The following AKAP19 variants were observed in gnomAD, a reference collection of about 807,000 sequenced individuals.
AKAP19 encodes small A-kinase anchoring protein.
the AKAP19 span, among the ~76,000 whole-genome samples, chr2:190,000,401 A>G: frequency 3.9e-5 from 6 of 152,352 alleles, no homozygotes; most frequent in African/African-American, 9.6e-5. Context: ...TCAAACCACA[A>G]GTAACCTGAC....
chr2:189,984,965 C>T, the AKAP19 span, among the ~76,000 whole-genome samples: 1 of 152,006 alleles, frequency 6.6e-6, no homozygotes, highest in Non-Finnish European at 1.5e-5. Context: ...GGAGTGCAGA[C>T]ACACCTATGC....
chr2:190,060,129 A>C, the AKAP19 span: 1 of 1,612,872 alleles, frequency 6.2e-7, no homozygotes, highest in Non-Finnish European at 8.5e-7. Flanking sequence ...TAAAGCTTTT[A>C]TTTCAATGCC....
chr2:189,992,748 G>T, the AKAP19 span, among the ~76,000 whole-genome samples: 1 of 152,082 alleles, frequency 6.6e-6, no homozygotes, highest in Middle Eastern at 3.4e-3. Flanking sequence ...CCTTGGTCAG[G>T]TATATTCCTA....
chr2:190,031,252 TA>T, the AKAP19 span, among the ~76,000 whole-genome samples: 1 of 152,062 alleles, frequency 6.6e-6, no homozygotes, highest in Non-Finnish European at 1.5e-5. Context: ...GGATGTGGAG[TA>T]GGGAAGGGCA....
the AKAP19 span, among the ~76,000 whole-genome samples, chr2:190,023,480 C>CA: frequency 1.3e-5 from 2 of 151,892 alleles, no homozygotes; most frequent in Non-Finnish European, 2.9e-5. Flanking sequence ...GAAGCTTTGA[C>CA]AAATTTTATG....
chr2:190,072,476 A>C, the AKAP19 span, among the ~76,000 whole-genome samples: 1 of 152,352 alleles, frequency 6.6e-6, no homozygotes, highest in East Asian at 1.9e-4. Flanking sequence ...AAACAGTTGA[A>C]AATTAGTAAG....
chr2:189,936,797 A>C, the AKAP19 span, among the ~76,000 whole-genome samples: 3 of 152,172 alleles, frequency 2.0e-5, no homozygotes, highest in African/African-American at 7.2e-5. Flanking sequence ...CAGAAACTAC[A>C]TACTATGTGA....
chr2:189,882,119 G>A, the AKAP19 span, among the ~76,000 whole-genome samples: 2 of 152,206 alleles, frequency 1.3e-5, no homozygotes, highest in South Asian at 2.1e-4. Flanking sequence ...GATAAACTTG[G>A]GGCTCCTGGG....
chr2:189,969,045 A>G, the AKAP19 span, among the ~76,000 whole-genome samples: 1 of 152,226 alleles, frequency 6.6e-6, no homozygotes, highest in African/African-American at 2.4e-5. Context: ...CACATGTATC[A>G]TATACAAATA....
chr2:189,941,334 TGTG>T, the AKAP19 span, among the ~76,000 whole-genome samples: 1 of 152,152 alleles, frequency 6.6e-6, no homozygotes, highest in Non-Finnish European at 1.5e-5. Flanking sequence ...AGGATGTAAT[TGTG>T]GTGTGAGATC....
chr2:189,978,377 T>C, the AKAP19 span, among the ~76,000 whole-genome samples: 2 of 152,122 alleles, frequency 1.3e-5, no homozygotes, highest in African/African-American at 4.8e-5. Context: ...TCACAACAGT[T>C]TGGGAGGCTG....
At chr2:190,038,993 TTCTTCTCTTCTTCTTC>T in the AKAP19 span, among the ~76,000 whole-genome samples, 538 of 133,618 alleles carry the variant, frequency 4.0e-3, 16 homozygotes, top group African/African-American at 0.017. Flanking sequence ...CTTCCTTTCT[TTCTTCTCTTCTTCTTC>T]CTCTTCCTCT....
the AKAP19 span, among the ~76,000 whole-genome samples, chr2:190,083,073 GA>G: frequency 6.6e-6 from 1 of 152,098 alleles, no homozygotes; most frequent in East Asian, 1.9e-4. Context: ...TGTGCATGGT[GA>G]AACACTTAAA....
chr2:190,108,783 GTTT>G, the AKAP19 span, among the ~76,000 whole-genome samples: 15 of 135,666 alleles, frequency 1.1e-4, no homozygotes, highest in African/African-American at 2.9e-4. Context: ...CCTGTTTGCG[GTTT>G]TTTTTTTTTT....
chr2:190,147,211 T>C, the AKAP19 span, among the ~76,000 whole-genome samples: 1 of 152,244 alleles, frequency 6.6e-6, no homozygotes, highest in Non-Finnish European at 1.5e-5. Context: ...TTCATTATCC[T>C]ACATGTGGCT....
At chr2:190,015,979 C>G in the AKAP19 span, among the ~76,000 whole-genome samples, 1 of 152,216 alleles carries the variant, frequency 6.6e-6, no homozygotes, top group African/African-American at 2.4e-5. Flanking sequence ...ACCACCTTAG[C>G]CTGGACTTCA....
At chr2:190,014,486 C>T in the AKAP19 span, among the ~76,000 whole-genome samples, 1,782 of 152,278 alleles carry the variant, frequency 0.012, 39 homozygotes, top group African/African-American at 0.041. Flanking sequence ...CACCATGTCC[C>T]TCCCTCAACA....
chr2:190,193,669 T>C, the AKAP19 span, among the ~76,000 whole-genome samples: 19 of 152,174 alleles, frequency 1.2e-4, no homozygotes, highest in African/African-American at 4.3e-4. Flanking sequence ...TTTAAACGTA[T>C]ATAGATGTCA....
At chr2:190,181,222 A>C in the AKAP19 span, 1 of 904,108 alleles carries the variant, frequency 1.1e-6, no homozygotes, top group Non-Finnish European at 1.3e-6. Flanking sequence ...GAGTTACAGG[A>C]GGCTTTAATT....
Sources: gnomAD v4.1 joint callset for allele counts (sites outside exome capture counted in the v4.1 genomes callset) on GRCh38, gnomAD v4.1.1 for gene constraint, MANE v1.5 for transcripts, NCBI Gene and HGNC (gene_info 2026-07-23, HGNC 2026-07-21) for gene names.